Variants in ZBTB20 observed in about 807,000 individuals in gnomAD.
ZBTB20 encodes zinc finger and BTB domain-containing protein 20.
In ZBTB20, 9 loss-of-function variants were observed where a neutral mutation model predicts 56.9. The ratio of observed to expected loss-of-function variants is 0.16; its 90% CI spans 0.10 to 0.28. The LOEUF (loss-of-function observed/expected upper bound fraction) is 0.28. Ranked by LOEUF, ZBTB20 falls within the 10% of genes least tolerant of loss-of-function variation. ZBTB20 has a pLI of 1.00. For missense variants in ZBTB20, 655 were observed against 1,003.0 expected, an observed-to-expected ratio of 0.65 and a Z score of 4.69; for synonymous variants, 417 against 420.7, an observed-to-expected ratio of 0.99 and a Z score of 0.11.
intron 5 of ZBTB20, among the ~76,000 whole-genome samples, chr3:114,728,852 T>C (rs1316088159): frequency 2.6e-5 from 4 of 152,202 alleles, no homozygotes; most frequent in African/African-American, 7.2e-5. Flanking sequence ...TTGAGCTTTT[T>C]CTCTTAGGTT....
At chr3:114,446,880 C>A (rs949558636) in intron 7 of ZBTB20, among the ~76,000 whole-genome samples, 1 of 152,236 alleles carries the variant, frequency 6.6e-6, no homozygotes, top group East Asian at 1.9e-4. Context: ...TCTACTTTGG[C>A]CAAATGATCT....
chr3:114,795,272 T>A (rs772732065), intron 5 of ZBTB20, among the ~76,000 whole-genome samples: 4 of 152,110 alleles, frequency 2.6e-5, no homozygotes, highest in Non-Finnish European at 5.9e-5. Flanking sequence ...ACCTTTGAAT[T>A]AATTTTGATC....
intron 11 of ZBTB20, 147 bp downstream of exon 11, chr3:114,350,127 T>C: frequency 8.7e-7 from 1 of 1,152,880 alleles, no homozygotes; most frequent in Non-Finnish European, 1.2e-6. Flanking sequence ...AGGAACACAG[T>C]TGGGGTTTCT....
At chr3:114,348,374 A>C (rs944545272) in intron 11 of ZBTB20, among the ~76,000 whole-genome samples, 1 of 152,250 alleles carries the variant, frequency 6.6e-6, no homozygotes, top group East Asian at 1.9e-4. Flanking sequence ...TCTATAAATC[A>C]TAAGATGCTA....
intron 11 of ZBTB20, among the ~76,000 whole-genome samples, chr3:114,349,314 G>C (rs1411592322): frequency 1.3e-5 from 2 of 152,088 alleles, no homozygotes; most frequent in Non-Finnish European, 2.9e-5. Flanking sequence ...CACTTATATG[G>C]AGGCACATCC....
At chr3:114,620,955 G>C (rs1431712322) in intron 6 of ZBTB20, among the ~76,000 whole-genome samples, 1 of 152,146 alleles carries the variant, frequency 6.6e-6, no homozygotes, top group African/African-American at 2.4e-5. Context: ...TATGGTTGCT[G>C]ATGCTAATAT....
chr3:114,414,870 T>G (rs2088363795), intron 7 of ZBTB20, among the ~76,000 whole-genome samples: 1 of 151,628 alleles, frequency 6.6e-6, no homozygotes, highest in South Asian at 2.1e-4. Flanking sequence ...TAGGTAAAAG[T>G]AAAGTCATCT....
chr3:115,035,153 G>A (rs1248448546), intron 2 of ZBTB20, among the ~76,000 whole-genome samples: 1 of 151,972 alleles, frequency 6.6e-6, no homozygotes, highest in African/African-American at 2.4e-5. Flanking sequence ...TCATCATACT[G>A]GATTTGGCAA....
chr3:115,036,501 G>A (rs532376848), intron 2 of ZBTB20, among the ~76,000 whole-genome samples: 222 of 152,144 alleles, frequency 1.5e-3, no homozygotes, highest in African/African-American at 5.0e-3. Flanking sequence ...TGCAACCTCC[G>A]CCTCCCAGGT....
chr3:114,922,127 C>G (rs571336256), intron 3 of ZBTB20, among the ~76,000 whole-genome samples: 37 of 152,168 alleles, frequency 2.4e-4, no homozygotes, highest in African/African-American at 8.4e-4. Context: ...TGACAAAAAT[C>G]AATGCTTTCT....
At chr3:115,049,752 C>A (rs746111815) in intron 2 of ZBTB20, among the ~76,000 whole-genome samples, 5 of 152,060 alleles carry the variant, frequency 3.3e-5, no homozygotes, top group Non-Finnish European at 5.9e-5. Flanking sequence ...ATGGGCCACA[C>A]TTCCAATTAC....
chr3:114,434,521 G>GAGT, intron 7 of ZBTB20, among the ~76,000 whole-genome samples: 1 of 143,234 alleles, frequency 7.0e-6, no homozygotes, highest in East Asian at 2.1e-4. Context: ...ACCTCATGAA[G>GAGT]AGTAGCCTTC....
chr3:114,356,881 C>T (rs1161546325), intron 10 of ZBTB20, among the ~76,000 whole-genome samples: 2 of 152,122 alleles, frequency 1.3e-5, no homozygotes, highest in African/African-American at 4.8e-5. Flanking sequence ...CTGCACCACC[C>T]CACTCTCTCT....
At chr3:114,601,943 G>A (rs943237994) in intron 6 of ZBTB20, among the ~76,000 whole-genome samples, 3 of 151,986 alleles carry the variant, frequency 2.0e-5, no homozygotes, top group African/African-American at 7.2e-5. Flanking sequence ...GGAAAGCACA[G>A]TCAACAACTC....
At chr3:114,432,169 G>GAA (rs5851926) in intron 7 of ZBTB20, among the ~76,000 whole-genome samples, 308 of 144,806 alleles carry the variant, frequency 2.1e-3, no homozygotes, top group East Asian at 4.0e-3. Flanking sequence ...GATTCCATTA[G>GAA]AAAAAAAAAA....
chr3:114,896,458 A>G (rs2074883502), intron 4 of ZBTB20, among the ~76,000 whole-genome samples: 1 of 152,154 alleles, frequency 6.6e-6, no homozygotes, highest in South Asian at 2.1e-4. Context: ...CACATGGATG[A>G]ATGCTGAGGA....
At chr3:114,778,568 G>A (rs1578828787) in intron 5 of ZBTB20, among the ~76,000 whole-genome samples, 2 of 151,884 alleles carry the variant, frequency 1.3e-5, no homozygotes, top group South Asian at 2.1e-4. Context: ...ATTAATCTTC[G>A]TAATCACCAT....
chr3:114,643,330 T>C (rs2059655823), intron 6 of ZBTB20, among the ~76,000 whole-genome samples: 1 of 152,110 alleles, frequency 6.6e-6, no homozygotes, highest in Non-Finnish European at 1.5e-5. Context: ...TAAATAATTT[T>C]CTTCATTTTC....
At chr3:114,883,137 T>G (rs2076460480) in intron 4 of ZBTB20, among the ~76,000 whole-genome samples, 1 of 152,208 alleles carries the variant, frequency 6.6e-6, no homozygotes, top group African/African-American at 2.4e-5. Context: ...CAATACAGAA[T>G]GGTGGAAAAA....
Sources: gnomAD v4.1 joint callset for allele counts (sites outside exome capture counted in the v4.1 genomes callset) on GRCh38, gnomAD v4.1.1 for gene constraint, MANE v1.5 for transcripts, NCBI Gene and HGNC (gene_info 2026-07-23, HGNC 2026-07-21) for gene names.